The following RAD23A variants were observed in gnomAD, a reference collection of about 807,000 sequenced individuals.
RAD23A encodes lysine-specific demethylase RAD23A.
Under a neutral mutation model 44.8 loss-of-function variants are expected in RAD23A, and 16 were observed. The observed-to-expected ratio is 0.36, with a 90% CI of 0.24 to 0.54. The LOEUF is 0.54. RAD23A is among the 20% of genes least tolerant of loss of function. The pLI, the probability that RAD23A is intolerant of heterozygous loss-of-function variation, is 0.89. For missense variants in RAD23A, 380 were observed against 483.3 expected, an observed-to-expected ratio of 0.79 and a Z score of 2.00; for synonymous variants, 217 against 202.9, an observed-to-expected ratio of 1.07 and a Z score of -0.59.
chr19:12,953,183 A>C lies in RAD23A; in HGVS notation c.*134A>C, dbSNP rs924111179. The C allele has an allele frequency of 1.2e-5, 8 of 655,264 alleles. 1 individual carries two copies. The South Asian group carries it at 1.7e-4, about 14-fold the overall frequency. 40.6% of individuals were successfully genotyped at this position (655,264 alleles called of 1,614,324 possible). The stretch of plus-strand genomic sequence containing the variant: ...AATCAAAAATCTTAAAAAAACAAGC[A>C]AACAGTCCAGCTTCCTGTCCTCCTA... On this transcript the variant is annotated 3_prime_UTR_variant, in exon 9 of 9. Transcript: ENST00000586534.
chr19:12,948,076 C>T lies in RAD23A; in HGVS notation c.234+67C>T. On this transcript the variant is annotated intron_variant, in intron 2 of 8. Coordinates refer to ENST00000586534, the MANE Select transcript of RAD23A (RefSeq NM_005053.4). The surrounding 1 kb of genome is among the most constrained non-coding windows in gnomAD (Gnocchi z 5.5). ...GGGGAGCTGGCAAAGAGCCTGTGTG[C>T]CCAGGAGAGATTAGCTGTGAACAGG... is the stretch of plus-strand genomic sequence containing the variant. The T allele has an allele frequency of 6.2e-7, 1 of 1,606,802 alleles. No homozygotes were observed. The highest frequency in any genetic ancestry group is 8.5e-7 in the Non-Finnish European group (1 of 1,175,996).
intron 1 of RAD23A, among the ~76,000 whole-genome samples, chr19:12,947,247 ACT>A (rs35819755): frequency 0.56 from 85,280 of 151,468 alleles, 24,812 homozygotes; most frequent in East Asian, 0.8. Flanking sequence ...ACATAGGGAG[ACT>A]CTTATCTACA....
chr19:12,953,290 G>A lies in RAD23A; in HGVS notation c.*241G>A, dbSNP rs1012971937. The A allele has an allele frequency of 2.9e-6, 1 of 345,024 alleles. No homozygotes were observed. Among genetic ancestry groups the A allele is most frequent in the African/African-American group, 2.1e-5 (1 of 46,916 alleles). 21.4% of individuals were successfully genotyped at this position (345,024 alleles called of 1,614,324 possible). A position where few individuals can be genotyped will look rare whatever the true frequency, so the allele number is the denominator to read the frequency against. ...CAGCCCAGCCTGCTCAGAGAAGCTG[G>A]CAGGACTGGGAGGCGACAGATGGGC... On this transcript the variant is annotated 3_prime_UTR_variant, in exon 9 of 9. Transcript: ENST00000586534.
At position 12,948,254 on chromosome 19, in the gene RAD23A, G is replaced by A. The variant is rs369559169; in HGVS notation, c.312G>A (p.Pro104=). The change falls in exon 3 of 9, where the codon CCG becomes CCA. Residue 104 remains proline (P), a synonymous_variant. Coordinates refer to ENST00000586534, the MANE Select transcript of RAD23A (RefSeq NM_005053.4). The surrounding 1 kb of genome is among the most constrained non-coding windows in gnomAD (Gnocchi z 5.5). ...TAAPESSTSF[P]PAPTSGMSHP... ...CCCCAGAGTCCTCTACATCCTTCCCGCCTGCCCCCACCTCAGGCATGTCCC... is the reference window on the plus strand; with the variant it reads ...CCCCAGAGTCCTCTACATCCTTCCCACCTGCCCCCACCTCAGGCATGTCCC... 1.8e-5 allele frequency: 29 copies of A among 1,613,634 alleles called. No individual in the cohort carries two copies. Among genetic ancestry groups the A allele is most frequent in the South Asian group, 6.6e-5 (6 of 91,050 alleles).
rs1269506908 is a variant in RAD23A at position 12,949,166 on chromosome 19, G to A, written c.679+7G>A. 2.5e-6 allele frequency: 4 copies of A among 1,613,980 alleles called. No individual in the cohort carries two copies. Among genetic ancestry groups the A allele is most frequent in the Admixed American group, 1.7e-5 (1 of 59,990 alleles). The stretch of plus-strand genomic sequence containing the variant: ...CAGCCGGCCACGGAAGCAGGTGGGT[G>A]TGCACATGCCGCATCTGCCCTCCAG... On this transcript the variant is annotated splice_region_variant and intron_variant, in intron 6 of 8. Coordinates refer to ENST00000586534, the MANE Select transcript of RAD23A (RefSeq NM_005053.4).
At position 12,948,083 on chromosome 19, in the gene RAD23A, G is replaced by A; in HGVS notation, c.234+74G>A. ...TGGCAAAGAGCCTGTGTGCCCAGGAGAGATTAGCTGTGAACAGGGCGGGGC... is the reference window on the plus strand; with the variant it reads ...TGGCAAAGAGCCTGTGTGCCCAGGAAAGATTAGCTGTGAACAGGGCGGGGC... On this transcript the variant is annotated intron_variant, in intron 2 of 8. Transcript: ENST00000586534. This position sits in a 1 kb window ranked among gnomAD's most constrained non-coding sequence, Gnocchi z 5.5. 1 of 1,607,822 alleles carries A rather than the reference G, an allele frequency of 6.2e-7. No homozygotes were observed. The highest frequency in any genetic ancestry group is 2.2e-5 in the East Asian group (1 of 44,846).
chr19:12,951,850 G>T (rs902006831), intron 7 of RAD23A, among the ~76,000 whole-genome samples: 1 of 152,192 alleles, frequency 6.6e-6, no homozygotes, highest in Admixed American at 6.6e-5. Context: ...CTCTGCATCC[G>T]CCATACTGCA....
Position 12,949,677 on chromosome 19 carries a change from G to A in RAD23A, c.813+269G>A, listed in dbSNP as rs41451147. On this transcript the variant is annotated intron_variant, in intron 7 of 8. Transcript: ENST00000586534. Reference sequence around the variant, plus strand: ...AGCAGCCTGTCATTCCCAGGGTCACGCAGCTGGTAGTGTGTGTGTCTGCCT... The same window carrying A: ...AGCAGCCTGTCATTCCCAGGGTCACACAGCTGGTAGTGTGTGTGTCTGCCT... The A allele has an allele frequency of 4.8e-3, 2,496 of 520,376 alleles. 46 individuals are homozygous for A. Among genetic ancestry groups the A allele is most frequent in the African/African-American group, 0.041 (2,168 of 52,734 alleles). 32.2% of individuals were successfully genotyped at this position (520,376 alleles called of 1,614,324 possible). A position where few individuals can be genotyped will look rare whatever the true frequency, so the allele number is the denominator to read the frequency against.
intron 7 of RAD23A, 133 bp from the exon 8 acceptor site, chr19:12,952,556 A>G (rs1971843008): frequency 2.0e-6 from 2 of 1,024,248 alleles, no homozygotes; most frequent in South Asian, 1.6e-5. Flanking sequence ...GTCGACTGCT[A>G]TGTTGTGTTT....
intron 7 of RAD23A, among the ~76,000 whole-genome samples, chr19:12,949,818 T>C (rs1465320797): frequency 6.6e-6 from 1 of 152,062 alleles, no homozygotes; most frequent in Non-Finnish European, 1.5e-5. Flanking sequence ...CAGTTGGCTC[T>C]GGGACAACTC....
At chr19:12,949,702 T>C (rs1971756667) in intron 7 of RAD23A, 1 of 468,728 alleles carries the variant, frequency 2.1e-6, no homozygotes, top group South Asian at 2.8e-5. Flanking sequence ...TGTGTCTGCC[T>C]CCTGCCTCGG....
At chr19:12,946,879 C>T (rs1336156393) in intron 1 of RAD23A, among the ~76,000 whole-genome samples, 1 of 152,158 alleles carries the variant, frequency 6.6e-6, no homozygotes, top group Admixed American at 6.5e-5. Context: ...AGTTAACCTG[C>T]CTACCTGTCT....
At chr19:12,949,194 A>G in intron 6 of RAD23A, 35 bp downstream of exon 6, 3 of 1,614,034 alleles carry the variant, frequency 1.9e-6, no homozygotes, top group South Asian at 2.2e-5. Flanking sequence ...CCCTCCAGGT[A>G]CCTGACTCAC....
At position 12,953,252 on chromosome 19, in the gene RAD23A, C is replaced by G; in HGVS notation, c.*203C>G. 2.4e-6 allele frequency: 1 copy of G among 420,002 alleles called. No homozygotes were observed. Among genetic ancestry groups the G allele is most frequent in the Non-Finnish European group, 4.1e-6 (1 of 242,738 alleles). The allele number at this position is 420,002 out of a possible 1,614,324, so 26.0% of individuals were successfully genotyped here. A position where few individuals can be genotyped will look rare whatever the true frequency, so the allele number is the denominator to read the frequency against. On this transcript the variant is annotated 3_prime_UTR_variant, in exon 9 of 9. Coordinates refer to ENST00000586534, the MANE Select transcript of RAD23A (RefSeq NM_005053.4). The stretch of plus-strand genomic sequence containing the variant: ...TCTCCCGGGCCAGACAGCTGTCCCC[C>G]CGTCCTCCTCCCCAGCCCAGCCTGC...
At position 12,948,456 on chromosome 19, in the gene RAD23A, G is replaced by A. The variant is rs376624002; in HGVS notation, c.417-41G>A. Reference sequence around the variant, plus strand: ...CACACACCTGGAGGGAGGGCAAGCCGCCAGAAGCCAGGGTCCGATTTCTCT... The same window carrying A: ...CACACACCTGGAGGGAGGGCAAGCCACCAGAAGCCAGGGTCCGATTTCTCT... On this transcript the variant is annotated intron_variant, in intron 3 of 8. Transcript: ENST00000586534. The surrounding 1 kb of genome is among the most constrained non-coding windows in gnomAD (Gnocchi z 5.5). 128 of 1,552,460 alleles carry A rather than the reference G, an allele frequency of 8.2e-5. No individual in the cohort carries two copies. The highest frequency in any genetic ancestry group is 9.7e-5 in the Non-Finnish European group (111 of 1,149,672).
chr19:12,952,106 A>G (rs1971828000), intron 7 of RAD23A, among the ~76,000 whole-genome samples: 4 of 152,292 alleles, frequency 2.6e-5, no homozygotes, highest in South Asian at 4.1e-4. Flanking sequence ...GTATTTTAGT[A>G]GAGACGGAGT....
At chr19:12,952,572 G>C in intron 7 of RAD23A, 117 bp from the exon 8 acceptor site, 2 of 1,230,816 alleles carry the variant, frequency 1.6e-6, no homozygotes, top group Non-Finnish European at 2.3e-6. Context: ...TGTTTGGCCA[G>C]AACAGGCTCC....
chr19:12,953,019 C>T lies in RAD23A; in HGVS notation c.1062C>T (p.Phe354=), dbSNP rs767826146. 4.3e-6 allele frequency: 7 copies of T among 1,614,038 alleles called. No homozygotes were observed. Among genetic ancestry groups the T allele is most frequent in the African/African-American group, 2.7e-5 (2 of 75,000 alleles). ...AAAATGAGAACTTGGCTGCCAACTT[C>T]CTCCTGAGTCAGAACTTTGATGACG... ...CEKNENLAAN[F]LLSQNFDDE is the part of the protein sequence containing the mutation. Residue 354 remains phenylalanine, a synonymous_variant, in exon 9 of 9, where the codon TTC becomes TTT. Transcript: ENST00000586534.
rs745731437 is a variant in RAD23A, at chr19:12,948,375, A to G, written c.416+17A>G. Reference sequence around the variant, plus strand: ...TGTGTCAGGGTAAGGCGGGGGCAGCAGTCCCAGCTTGGGCCCTGTCCTCCT... The same window carrying G: ...TGTGTCAGGGTAAGGCGGGGGCAGCGGTCCCAGCTTGGGCCCTGTCCTCCT... On this transcript the variant is annotated intron_variant, in intron 3 of 8. Transcript: ENST00000586534. This position sits in a 1 kb window ranked among gnomAD's most constrained non-coding sequence, Gnocchi z 5.5. The G allele has an allele frequency of 5.8e-6, 9 of 1,563,080 alleles. No homozygotes were observed. Among genetic ancestry groups the G allele is most frequent in the African/African-American group, 2.7e-5 (2 of 73,574 alleles).
Sources: gnomAD v4.1 joint callset for allele counts (sites outside exome capture counted in the v4.1 genomes callset) on GRCh38, gnomAD v4.1.1 for gene constraint, Gnocchi (gnomAD v3.1) non-coding constraint, MANE v1.5 for transcripts, NCBI Gene and HGNC (gene_info 2026-07-23, HGNC 2026-07-21) for gene names.